The following SPOCK3 variants were observed in gnomAD, a reference collection of about 807,000 sequenced individuals.
The protein encoded by SPOCK3 is SPARC (osteonectin), cwcv and kazal like domains proteoglycan 3.
Under a neutral mutation model 56.6 loss-of-function variants are expected in SPOCK3, and 30 were observed. That is an observed-to-expected ratio of 0.53 (90% CI 0.40 to 0.72). The LOEUF is 0.72. Ranked by LOEUF, SPOCK3 falls within the 30% of genes least tolerant of loss-of-function variation. The pLI, the probability that SPOCK3 is intolerant of heterozygous loss-of-function variation, is 0.00. For missense variants in SPOCK3, 527 were observed against 530.0 expected, an observed-to-expected ratio of 0.99 and a Z score of 0.06; for synonymous variants, 196 against 183.3, an observed-to-expected ratio of 1.07 and a Z score of -0.56.
intron 4 of SPOCK3, 35 bp from the exon 5 acceptor site, chr4:166,912,778 T>C (rs374367451): frequency 6.4e-7 from 1 of 1,553,670 alleles, no homozygotes; most frequent in Non-Finnish European, 8.7e-7. Flanking sequence ...ATTGAGCATA[T>C]TTATTTTAAA....
chr4:167,136,275 T>A (rs1423744274), intron 2 of SPOCK3, among the ~76,000 whole-genome samples: 1 of 152,110 alleles, frequency 6.6e-6, no homozygotes, highest in Non-Finnish European at 1.5e-5. Context: ...TAAGTGTGTG[T>A]GAGTGTGTGT....
chr4:166,800,653 T>A (rs964393253), intron 6 of SPOCK3, among the ~76,000 whole-genome samples: 2 of 151,992 alleles, frequency 1.3e-5, no homozygotes, highest in African/African-American at 2.4e-5. Context: ...AAAAGTGAAA[T>A]TTGTGTACAG....
chr4:166,811,920 C>CTT (rs1268236759), intron 6 of SPOCK3, among the ~76,000 whole-genome samples: 2 of 151,706 alleles, frequency 1.3e-5, no homozygotes, highest in African/African-American at 4.8e-5. Flanking sequence ...CCTAGATTGG[C>CTT]TAATAAGGAT....
rs532495043 is a variant in SPOCK3 at position 166,804,035 on chromosome 4, G to C, written c.590-11746C>G. Among the ~76,000 whole-genome samples the C allele has an allele frequency of 2.6e-5, 4 of 152,138 alleles. No individual in the cohort carries two copies. The South Asian group carries it at 8.3e-4, about 31-fold the overall frequency. On this transcript the variant is annotated intron_variant, in intron 6 of 10. Transcript: ENST00000357545. ...TCACTAGCAGCTTCTATGGGATGAA[G>C]GGGGTTCGAAGACTTTTTTTATTGG... is the stretch of plus-strand genomic sequence containing the variant.
At chr4:167,227,384 A>C (rs1299439933) in intron 2 of SPOCK3, among the ~76,000 whole-genome samples, 1 of 152,178 alleles carries the variant, frequency 6.6e-6, no homozygotes, top group African/African-American at 2.4e-5. Flanking sequence ...CCAATAAAAG[A>C]CAACACAGCT....
At chr4:167,127,716 C>T (rs1762396749) in intron 2 of SPOCK3, among the ~76,000 whole-genome samples, 1 of 152,128 alleles carries the variant, frequency 6.6e-6, no homozygotes, top group Non-Finnish European at 1.5e-5. Flanking sequence ...GCGTGAGCCA[C>T]CATGCACAGC....
At chr4:167,210,484 C>T (rs1449489744) in intron 2 of SPOCK3, among the ~76,000 whole-genome samples, 2 of 152,108 alleles carry the variant, frequency 1.3e-5, no homozygotes, top group African/African-American at 4.8e-5. Context: ...AAAAGTGGCA[C>T]ACATGATTAT....
At chr4:166,893,306 G>T (rs1313862074) in intron 5 of SPOCK3, among the ~76,000 whole-genome samples, 2 of 152,032 alleles carry the variant, frequency 1.3e-5, no homozygotes, top group South Asian at 2.1e-4. Context: ...TTTTTCTTGG[G>T]CATTCACTAA....
At chr4:167,156,871 A>T (rs1269849530) in intron 2 of SPOCK3, among the ~76,000 whole-genome samples, 1 of 152,150 alleles carries the variant, frequency 6.6e-6, no homozygotes, top group Non-Finnish European at 1.5e-5. Context: ...AAAGAAAGAC[A>T]ATTACTTAAA....
At chr4:167,184,712 G>C (rs1440614632) in intron 2 of SPOCK3, among the ~76,000 whole-genome samples, 1 of 152,122 alleles carries the variant, frequency 6.6e-6, no homozygotes, top group Non-Finnish European at 1.5e-5. Flanking sequence ...GCTTTCCTCT[G>C]AGTATAAGAA....
chr4:167,234,086 C>T lies in SPOCK3; in HGVS notation c.88G>A (p.Gly30Arg), dbSNP rs746368281. 27 of 1,613,742 alleles carry T rather than the reference C, an allele frequency of 1.7e-5. No homozygotes were observed. The African/African-American group carries it at 3.2e-4, about 19-fold the overall frequency. The change falls in exon 2 of 11, where the codon GGG becomes AGG. Residue 30 changes from glycine to arginine, a missense_variant. By Grantham distance (125) the Gly-to-Arg change is moderately radical (BLOSUM62 -2). Coordinates refer to ENST00000357545, the MANE Select transcript of SPOCK3 (RefSeq NM_001040159.2). ...AAATTACCGCCGTCCGACCGCCCCC[C>T]GGCTGCAGCCACCGCCGCGGCAGCT... ...LAAAAAVAAA[G>R]GRSDGGNFLD...
chr4:167,119,670 T>C, intron 2 of SPOCK3: 1 of 646,706 alleles, frequency 1.5e-6, no homozygotes, highest in Non-Finnish European at 2.6e-6. Flanking sequence ...GACTTGTTTG[T>C]TTGATGCATA....
chr4:167,156,427 A>T (rs921169030), intron 2 of SPOCK3, among the ~76,000 whole-genome samples: 1 of 152,158 alleles, frequency 6.6e-6, no homozygotes, highest in African/African-American at 2.4e-5. Context: ...ATATGTACAC[A>T]TGCAAAACTT....
chr4:167,154,423 G>A (rs1042418363), intron 2 of SPOCK3, among the ~76,000 whole-genome samples: 3 of 151,996 alleles, frequency 2.0e-5, no homozygotes, highest in South Asian at 2.1e-4. Flanking sequence ...GTCAGCAACC[G>A]AGAAAAAATG....
At chr4:166,754,013 T>G in intron 8 of SPOCK3, 2 of 768,160 alleles carry the variant, frequency 2.6e-6, no homozygotes, top group Non-Finnish European at 3.2e-6. Context: ...AGGTAAGCTA[T>G]TTTGAAAAGT....
chr4:167,090,590 G>A (rs1464108663), intron 2 of SPOCK3, among the ~76,000 whole-genome samples: 1 of 151,070 alleles, frequency 6.6e-6, no homozygotes, highest in Admixed American at 6.6e-5. Context: ...CACAACCTCC[G>A]CCTCCCAGGT....
intron 4 of SPOCK3, among the ~76,000 whole-genome samples, chr4:166,933,564 A>G (rs957339262): frequency 2.0e-5 from 3 of 152,124 alleles, no homozygotes; most frequent in South Asian, 2.1e-4. Flanking sequence ...ATTATTTAAC[A>G]TGTATTATTA....
chr4:166,957,734 G>A (rs1031912447), intron 4 of SPOCK3, among the ~76,000 whole-genome samples: 8 of 152,248 alleles, frequency 5.3e-5, no homozygotes, highest in East Asian at 3.9e-4. Flanking sequence ...ACTAACCTGC[G>A]GTGTTTTGGA....
chr4:166,951,733 C>A (rs1742647593), intron 4 of SPOCK3, among the ~76,000 whole-genome samples: 2 of 143,422 alleles, frequency 1.4e-5, no homozygotes, highest in Admixed American at 1.3e-4. Flanking sequence ...GCTTATCCAC[C>A]ATGATCAAGT....
Sources: allele counts gnomAD v4.1 joint callset (sites outside exome capture counted in the v4.1 genomes callset), GRCh38; gene constraint gnomAD v4.1.1; transcripts MANE v1.5; gene names NCBI Gene and HGNC (gene_info 2026-07-23, HGNC 2026-07-21).